RBFOX1: variants seen among roughly 807,000 people sequenced by gnomAD.
RBFOX1 encodes the protein RNA binding protein fox-1 homolog 1.
In RBFOX1, 8 loss-of-function variants were observed where a neutral mutation model predicts 57.7. That is an observed-to-expected ratio of 0.14 (90% CI 0.08 to 0.25). The LOEUF is 0.25. RBFOX1 is among the 10% of genes least tolerant of loss of function. The pLI is 1.00. For synonymous variants in RBFOX1, 326 were observed against 222.4 expected (o/e 1.47, Z -4.15); for missense variants, 611 against 548.5 (o/e 1.11, Z -1.14).
At position 6,896,084 on chromosome 16, in the gene RBFOX1, C is replaced by G. The variant is rs567170976; in HGVS notation, c.-15-155973C>G. ...GCTTAGGAGTTTGGGACCAACCTGG[C>G]CAACATGGTGAAACCCCATCTCTAT... On this transcript the variant is annotated intron_variant, in intron 3 of 15. Coordinates refer to ENST00000550418, the MANE Select transcript of RBFOX1 (RefSeq NM_018723.4). Among the ~76,000 whole-genome samples the G allele has an allele frequency of 4.6e-5, 7 of 152,156 alleles. No individual in the cohort carries two copies. In the South Asian group the frequency reaches 1.2e-3, roughly 27 times the overall value.
intron 2 of RBFOX1, among the ~76,000 whole-genome samples, chr16:6,422,007 G>C (rs142198836): frequency 0.014 from 2,017 of 141,312 alleles, 46 homozygotes; most frequent in African/African-American, 0.049. Flanking sequence ...TGCAACCTCT[G>C]CCTCCAGGAT....
chr16:5,798,660 C>G (rs529759000), intron 3 of RBFOX1, among the ~76,000 whole-genome samples: 1 of 152,300 alleles, frequency 6.6e-6, no homozygotes, highest in African/African-American at 2.4e-5. Context: ...ATATGTGTGT[C>G]AAATGGGACT....
intron 3 of RBFOX1, among the ~76,000 whole-genome samples, chr16:6,855,073 T>A (rs114482259): frequency 0.01 from 1,567 of 151,368 alleles, 33 homozygotes; most frequent in African/African-American, 0.036. Context: ...GAGGAGAGAG[T>A]GATGATCCCA....
At chr16:6,162,242 C>G (rs954180897) in intron 1 of RBFOX1, among the ~76,000 whole-genome samples, 9 of 152,116 alleles carry the variant, frequency 5.9e-5, no homozygotes, top group African/African-American at 2.2e-4. Flanking sequence ...GTCAGCCTCC[C>G]TAGTAGCTGG....
chr16:6,634,875 T>C (rs552253368), intron 2 of RBFOX1, among the ~76,000 whole-genome samples: 1 of 139,818 alleles, frequency 7.2e-6, no homozygotes, highest in South Asian at 2.3e-4. Flanking sequence ...ATTCAAAATA[T>C]ATATTATAAA....
At chr16:6,748,146 G>A (rs1334275269) in intron 3 of RBFOX1, among the ~76,000 whole-genome samples, 1 of 151,870 alleles carries the variant, frequency 6.6e-6, no homozygotes, top group African/African-American at 2.4e-5. Flanking sequence ...GTTATTTATG[G>A]CATGATTTAC....
chr16:7,156,631 G>T (rs1054617803), intron 4 of RBFOX1, among the ~76,000 whole-genome samples: 1 of 151,962 alleles, frequency 6.6e-6, no homozygotes. Context: ...ACATATGCTG[G>T]AAGTCTATGT....
chr16:6,827,569 C>G (rs961856901), intron 3 of RBFOX1, among the ~76,000 whole-genome samples: 1 of 152,196 alleles, frequency 6.6e-6, no homozygotes, highest in African/African-American at 2.4e-5. Flanking sequence ...CAAAATAAAA[C>G]TGAAATCCGT....
chr16:7,267,029 G>T (rs1227062896), intron 4 of RBFOX1, among the ~76,000 whole-genome samples: 1 of 152,144 alleles, frequency 6.6e-6, no homozygotes, highest in African/African-American at 2.4e-5. Context: ...GTGAGCCAGC[G>T]GGGTAGACAG....
Position 5,940,033 on chromosome 16 carries a change from G to T in RBFOX1, c.351+72698G>T, listed in dbSNP as rs527289266. ...GGGGCAGATGCCATCTTCCTTACAG[G>T]ATTATACAGTCATAGTGAGTGCTAG... On this transcript the variant is annotated intron_variant, in intron 4 of 19. Transcript: ENST00000641259. 3.9e-5 allele frequency among the ~76,000 whole-genome samples: 6 copies of T among 152,328 alleles called. No homozygotes were observed. The South Asian group carries it at 1.2e-3, about 32-fold the overall frequency.
chr16:7,530,752 T>C (rs2079855978), intron 5 of RBFOX1, among the ~76,000 whole-genome samples: 1 of 152,158 alleles, frequency 6.6e-6, no homozygotes, highest in African/African-American at 2.4e-5. Context: ...GACTGTACAA[T>C]CTCTGCAGGA....
At chr16:6,072,921 C>G (rs2095853964) in intron 1 of RBFOX1, among the ~76,000 whole-genome samples, 1 of 152,104 alleles carries the variant, frequency 6.6e-6, no homozygotes, top group Non-Finnish European at 1.5e-5. Context: ...TGCTTATGCC[C>G]AAGCTCATCA....
intron 1 of RBFOX1, among the ~76,000 whole-genome samples, chr16:6,312,564 C>A (rs1599511878): frequency 6.6e-6 from 1 of 152,094 alleles, no homozygotes; most frequent in East Asian, 1.9e-4. Context: ...TGGCACTATG[C>A]TAGACAGAGA....
chr16:5,392,220 A>G lies in RBFOX1; in HGVS notation c.220-74996A>G, dbSNP rs545619715. On this transcript the variant is annotated intron_variant, in intron 1 of 2. Transcript: ENST00000585867. ...GTGATGGGTGCACCAAAACCTCACA[A>G]ATCACCACTAAGGAATTTGTTCATG... Among the ~76,000 whole-genome samples, 71 of 152,218 alleles carry G rather than the reference A, an allele frequency of 4.7e-4. 1 individual carries two copies. The East Asian group carries it at 8.3e-3, about 18-fold the overall frequency.
At chr16:5,752,347 G>C (rs2053239380) in intron 3 of RBFOX1, among the ~76,000 whole-genome samples, 1 of 152,170 alleles carries the variant, frequency 6.6e-6, no homozygotes, top group Admixed American at 6.5e-5. Context: ...TCATACCTGG[G>C]TGATGAAATA....
At chr16:6,358,017 G>T (rs752788093) in intron 2 of RBFOX1, among the ~76,000 whole-genome samples, 1 of 152,006 alleles carries the variant, frequency 6.6e-6, no homozygotes, top group Non-Finnish European at 1.5e-5. Context: ...AATTTCAATG[G>T]TTGTGTCAAA....
At chr16:7,340,237 T>C (rs891758087) in intron 4 of RBFOX1, among the ~76,000 whole-genome samples, 5 of 152,252 alleles carry the variant, frequency 3.3e-5, no homozygotes, top group African/African-American at 7.2e-5. Context: ...ACAACAATTA[T>C]AGTTAAAGCT....
At chr16:5,314,829 G>GAAAAA (rs35632580) in intron 1 of RBFOX1, among the ~76,000 whole-genome samples, 1 of 139,450 alleles carries the variant, frequency 7.2e-6, no homozygotes. Flanking sequence ...GAAGATATTG[G>GAAAAA]AAAAAAAAAA....
chr16:7,059,008 A>C lies in RBFOX1; in HGVS notation c.27+6910A>C, dbSNP rs1531562. ...GTTGTAGAGCAGATCTGCATTATCA[A>C]TATTTAATTTGCCAGTTACAAGCGA... is the stretch of plus-strand genomic sequence containing the variant. On this transcript the variant is annotated intron_variant, in intron 4 of 15. Transcript: ENST00000550418. Among the ~76,000 whole-genome samples, 10 of 152,132 alleles carry C rather than the reference A, an allele frequency of 6.6e-5. No individual in the cohort carries two copies. In the South Asian group the frequency reaches 1.2e-3, roughly 19 times the overall value.
Sources: gnomAD v4.1 joint callset for allele counts (sites outside exome capture counted in the v4.1 genomes callset) on GRCh38, gnomAD v4.1.1 for gene constraint, MANE v1.5 for transcripts, NCBI Gene and HGNC (gene_info 2026-07-23, HGNC 2026-07-21) for gene names.